Variants in BCAS3 observed in about 807,000 individuals in gnomAD.
The protein encoded by BCAS3 is BCAS4/BCAS3 fusion.
Under a neutral mutation model 116.1 loss-of-function variants are expected in BCAS3, and 53 were observed. The ratio of observed to expected loss-of-function variants is 0.46; its 90% CI spans 0.37 to 0.57. The LOEUF (loss-of-function observed/expected upper bound fraction) is 0.57, where lower values mean the gene tolerates loss of function less well. Among genes scored for constraint, BCAS3 ranks in the 20% least tolerant of loss-of-function variants. The pLI is 0.00. For missense variants in BCAS3, 917 were observed against 1,165.4 expected (o/e 0.79, Z 3.10); for synonymous variants, 391 against 408.2 (o/e 0.96, Z 0.51).
At position 61,378,603 on chromosome 17, in the gene BCAS3, A is replaced by G. The variant is rs2059446944; in HGVS notation, c.2593+10109A>G. On this transcript the variant is annotated intron_variant, in intron 23 of 23. Transcript: ENST00000407086. The surrounding 1 kb of genome is among the most constrained non-coding windows in gnomAD (Gnocchi z 5.8). ...GAACTGAGTCTGAACCATCTTTGTTATCCCCAACCACCAGCCTTCTCCCTG... is the reference window on the plus strand; with the variant it reads ...GAACTGAGTCTGAACCATCTTTGTTGTCCCCAACCACCAGCCTTCTCCCTG... 1.3e-5 allele frequency: 2 copies of G among 152,288 alleles called. No individual in the cohort carries two copies. Among genetic ancestry groups the G allele is most frequent in the Admixed American group, 6.5e-5 (1 of 15,274 alleles). The allele number at this position is 152,288 out of a possible 1,614,324, so 9.4% of individuals were successfully genotyped here.
intron 6 of BCAS3, among the ~76,000 whole-genome samples, chr17:60,798,747 G>A (rs963188351): frequency 1.3e-5 from 2 of 152,176 alleles, no homozygotes; most frequent in Admixed American, 1.3e-4. Flanking sequence ...GTTTAGTTTT[G>A]TAAGAAACTG....
At position 60,984,744 on chromosome 17, in the gene BCAS3, T is replaced by G. The variant is rs1278652321; in HGVS notation, c.1222-5227T>G. Among the ~76,000 whole-genome samples, 3 of 152,102 alleles carry G rather than the reference T, an allele frequency of 2.0e-5. No individual in the cohort carries two copies. The East Asian group carries it at 5.8e-4, about 29-fold the overall frequency. On this transcript the variant is annotated intron_variant, in intron 14 of 23. Transcript: ENST00000407086. ...TTTTGTTTTATCCAGGCACAGTGGC[T>G]CACGCCTGTAATCCCAGCATTTTGG...
intron 22 of BCAS3, among the ~76,000 whole-genome samples, chr17:61,341,580 C>T (rs759391295): frequency 6.6e-6 from 1 of 152,194 alleles, no homozygotes; most frequent in Non-Finnish European, 1.5e-5. Flanking sequence ...CTTCTGACTC[C>T]AAGTTCAGTG....
chr17:60,974,389 C>G (rs1055524669), intron 14 of BCAS3, among the ~76,000 whole-genome samples: 2 of 152,088 alleles, frequency 1.3e-5, no homozygotes, highest in Non-Finnish European at 2.9e-5. Flanking sequence ...AAATGTTGAA[C>G]ATAGATGAAA....
At position 61,390,273 on chromosome 17, in the gene BCAS3, C is replaced by G. The variant is rs1170942241; in HGVS notation, c.2594-1704C>G. On this transcript the variant is annotated intron_variant, in intron 23 of 23. Coordinates refer to ENST00000407086, the MANE Select transcript of BCAS3 (RefSeq NM_017679.5). The surrounding 1 kb of genome is among the most constrained non-coding windows in gnomAD (Gnocchi z 6.8). ...CAGGGTCTACTCTTGGCTTTACCACCCTCTCCATCTCATGGCACGATGGCC... is the reference window on the plus strand; with the variant it reads ...CAGGGTCTACTCTTGGCTTTACCACGCTCTCCATCTCATGGCACGATGGCC... 1 of 152,258 alleles carries G rather than the reference C, an allele frequency of 6.6e-6. No homozygotes were observed. The highest frequency in any genetic ancestry group is 1.5e-5 in the Non-Finnish European group (1 of 68,094). 9.4% of individuals were successfully genotyped at this position (152,258 alleles called of 1,614,324 possible). A position where few individuals can be genotyped will look rare whatever the true frequency, so the allele number is the denominator to read the frequency against.
chr17:60,909,187 C>A (rs992317398), intron 11 of BCAS3, among the ~76,000 whole-genome samples: 1 of 152,154 alleles, frequency 6.6e-6, no homozygotes, highest in African/African-American at 2.4e-5. Flanking sequence ...TAAAATAATG[C>A]ATCTATTATT....
intron 14 of BCAS3, among the ~76,000 whole-genome samples, chr17:60,982,316 T>A (rs1247534398): frequency 5.3e-5 from 8 of 152,174 alleles, no homozygotes; most frequent in Non-Finnish European, 1.0e-4. Context: ...TTAATTAATT[T>A]ATTTTACAGA....
chr17:61,054,102 A>G (rs1391223175), intron 19 of BCAS3, among the ~76,000 whole-genome samples: 2 of 152,166 alleles, frequency 1.3e-5, no homozygotes, highest in African/African-American at 2.4e-5. Context: ...TTTGTATTAG[A>G]TTTCCCTTTT....
intron 6 of BCAS3, among the ~76,000 whole-genome samples, chr17:60,753,379 C>A (rs1314807673): frequency 1.1e-4 from 15 of 131,268 alleles, no homozygotes; most frequent in East Asian, 2.3e-4. Flanking sequence ...TTATTTGTCT[C>A]TTATTTTATT....
At chr17:61,070,400 TC>T (rs71370186) in intron 19 of BCAS3, 11 of 180,980 alleles carry the variant, frequency 6.1e-5, no homozygotes, top group Admixed American at 1.4e-4. Context: ...TATATATATA[TC>T]TTTTCACCAT....
chr17:60,953,726 CT>C (rs2060969024), intron 14 of BCAS3, among the ~76,000 whole-genome samples: 1 of 141,484 alleles, frequency 7.1e-6, no homozygotes, highest in African/African-American at 2.9e-5. Flanking sequence ...TTTAATTCAT[CT>C]TGAGTTGATT....
chr17:60,705,234 G>T (rs1175763862), intron 4 of BCAS3, among the ~76,000 whole-genome samples: 1 of 151,908 alleles, frequency 6.6e-6, no homozygotes, highest in African/African-American at 2.4e-5. Flanking sequence ...AGTCATGAAA[G>T]AGGGCCGGGC....
At chr17:60,689,088 G>C (rs902481633) in intron 3 of BCAS3, 2 of 152,256 alleles carry the variant, frequency 1.3e-5, no homozygotes, top group Admixed American at 6.5e-5. Flanking sequence ...TTGTTGACCA[G>C]TATAGCGGAT....
chr17:60,924,012 T>C (rs60587582), intron 12 of BCAS3, among the ~76,000 whole-genome samples: 7,084 of 152,250 alleles, frequency 0.047, 528 homozygotes, highest in African/African-American at 0.16. Context: ...GGGCAAAAAA[T>C]TGTGATTTCC....
rs1055235016 is a variant in BCAS3, at chr17:61,302,108, A to G, written c.2426-66219A>G. On this transcript the variant is annotated intron_variant, in intron 22 of 23. Transcript: ENST00000407086. The surrounding 1 kb of genome is among the most constrained non-coding windows in gnomAD (Gnocchi z 4.4). ...AAAAGTTGAGATTCTCTACACATAC[A>G]GTCAGCTCATTACCTCCTCCCTGTC... 6.6e-5 allele frequency among the ~76,000 whole-genome samples: 10 copies of G among 152,160 alleles called. No homozygotes were observed. The highest frequency in any genetic ancestry group is 2.4e-4 in the African/African-American group (10 of 41,412).
intron 19 of BCAS3, among the ~76,000 whole-genome samples, chr17:61,042,911 A>G (rs923998555): frequency 1.7e-4 from 26 of 150,464 alleles, no homozygotes; most frequent in Non-Finnish European, 3.0e-4. Flanking sequence ...AAAAAAAAAA[A>G]AAAAGAAAGA....
chr17:61,206,777 G>A (rs868701390), intron 22 of BCAS3, among the ~76,000 whole-genome samples: 2 of 133,176 alleles, frequency 1.5e-5, no homozygotes, highest in East Asian at 2.2e-4. Context: ...CTTCAGCCTG[G>A]GCAACAAGAG....
rs772940840 is a variant in BCAS3, at chr17:61,333,113, C to T, written c.2426-35214C>T. On this transcript the variant is annotated intron_variant, in intron 22 of 23. Transcript: ENST00000407086. The surrounding 1 kb of genome is among the most constrained non-coding windows in gnomAD (Gnocchi z 4.8). ...CATAGACCCCAGCAAGGTGCTTTCT[C>T]CCTGGACCCCACTCACACCTATTTC... Among the ~76,000 whole-genome samples the T allele has an allele frequency of 4.6e-5, 7 of 152,210 alleles. No homozygotes were observed. The highest frequency in any genetic ancestry group is 1.0e-4 in the Non-Finnish European group (7 of 68,044).
In BCAS3 at chr17:60,679,483, C is replaced by G. The variant is rs762229492; in HGVS notation, c.26C>G (p.Ser9Cys). 1.2e-6 allele frequency: 2 copies of G among 1,613,884 alleles called. No homozygotes were observed. The highest frequency in any genetic ancestry group is 3.3e-5 in the Admixed American group (2 of 60,004). MNEAMATD[S>C]PRRPSRCTGG... is the part of the protein sequence containing the mutation. ...ATGAATGAAGCTATGGCTACAGATT[C>G]CCCAAGAAGACCCAGTCGTTGTACT... Residue 9 changes from serine to cysteine, a missense_variant, in exon 2 of 24, where the codon TCC (serine) becomes TGC (cysteine). Transcript: ENST00000407086.
Sources: gnomAD v4.1 joint callset for allele counts (sites outside exome capture counted in the v4.1 genomes callset) on GRCh38, gnomAD v4.1.1 for gene constraint, Gnocchi (gnomAD v3.1) non-coding constraint, MANE v1.5 for transcripts, NCBI Gene and HGNC (gene_info 2026-07-23, HGNC 2026-07-21) for gene names.